The following KIF14 variants were observed in gnomAD, a reference collection of about 807,000 sequenced individuals.
KIF14 encodes the protein kinesin-like protein KIF14.
In KIF14, 98 loss-of-function variants were observed where a neutral mutation model predicts 176.2. The ratio of observed to expected loss-of-function variants is 0.56; its 90% confidence interval spans 0.47 to 0.66. KIF14 has a LOEUF of 0.66. Among genes scored for constraint, KIF14 ranks in the 30% least tolerant of loss-of-function variants. The pLI is 0.00. For synonymous variants in KIF14, 566 were observed against 632.2 expected (o/e 0.90, Z 1.57); for missense variants, 1,751 against 1,920.4 (o/e 0.91, Z 1.65).
rs1457853842 is a variant in KIF14 at position 200,565,673 on chromosome 1, C to T, written c.3662-4G>A. On this transcript the variant is annotated splice_polypyrimidine_tract_variant and splice_region_variant and intron_variant, in intron 23 of 29. Coordinates refer to ENST00000367350, the MANE Select transcript of KIF14 (RefSeq NM_014875.3). ...GTGCTTGATTTGTCCATTAAACCTA[C>T]ATCAACAGAAAATAGCCATTTTAAG... 2 of 1,556,702 alleles carry T rather than the reference C, an allele frequency of 1.3e-6. No individual in the cohort carries two copies. Among genetic ancestry groups the T allele is most frequent in the Admixed American group, 2.1e-5 (1 of 46,668 alleles).
In KIF14 at chr1:200,589,235, T is replaced by C. The variant is rs6665951; in HGVS notation, c.3096A>G (p.Glu1032=). ...IYVNKKRLEM[E]TLATKQALED... ...AAATTACCTGTTTTGTAGCCAATGTTTCCATTTCTAATCGCTTTTTGTTGA... is the reference window on the plus strand; with the variant it reads ...AAATTACCTGTTTTGTAGCCAATGTCTCCATTTCTAATCGCTTTTTGTTGA... Residue 1032 remains glutamate, a synonymous_variant, in exon 18 of 30, where the codon GAA becomes GAG. Transcript: ENST00000367350. 1,226,154 of 1,602,798 alleles carry C rather than the reference T, an allele frequency of 0.77. 471,269 individuals are homozygous for C. Among genetic ancestry groups the C allele is most frequent in the African/African-American group, 0.89 (66,352 of 74,586 alleles).
At chr1:200,615,862 T>C (rs1660382864) in intron 2 of KIF14, among the ~76,000 whole-genome samples, 1 of 152,010 alleles carries the variant, frequency 6.6e-6, no homozygotes, top group African/African-American at 2.4e-5. Context: ...TTTACAAGAT[T>C]TTTTCCTCTT....
At chr1:200,577,681 C>T (rs904505272) in intron 21 of KIF14, among the ~76,000 whole-genome samples, 10 of 148,614 alleles carry the variant, frequency 6.7e-5, no homozygotes, top group African/African-American at 2.5e-4. Flanking sequence ...AGCCTGGCAA[C>T]GGAGTGAGAC....
At chr1:200,566,826 A>G (rs1480591948) in intron 23 of KIF14, among the ~76,000 whole-genome samples, 2 of 152,120 alleles carry the variant, frequency 1.3e-5, no homozygotes, top group Non-Finnish European at 2.9e-5. Context: ...ACATAAAATT[A>G]GAAGTATAAT....
In KIF14 at chr1:200,615,354, C is replaced by A; in HGVS notation, c.1367+1G>T. Reference sequence around the variant, plus strand: ...ATAATTGCATTTCCAATACAACTTACGTATATGATTTTCCAGAGCCAGTCT... The same window carrying A: ...ATAATTGCATTTCCAATACAACTTAAGTATATGATTTTCCAGAGCCAGTCT... On this transcript the variant is annotated splice_donor_variant, in intron 3 of 29. Coordinates refer to ENST00000367350, the MANE Select transcript of KIF14 (RefSeq NM_014875.3). LOFTEE classifies it high-confidence loss of function. 1 of 1,608,224 alleles carries A rather than the reference C, an allele frequency of 6.2e-7. No individual in the cohort carries two copies. The highest frequency in any genetic ancestry group is 8.5e-7 in the Non-Finnish European group (1 of 1,177,310).
At chr1:200,587,036 G>A (rs1217167310) in intron 18 of KIF14, among the ~76,000 whole-genome samples, 6 of 152,000 alleles carry the variant, frequency 3.9e-5, no homozygotes, top group South Asian at 4.1e-4. Context: ...GACTGGTTTC[G>A]TGGAAGACAA....
At position 200,605,395 on chromosome 1, in the gene KIF14, T is replaced by C. The variant is rs368417849; in HGVS notation, c.1639-5A>G. ...ATTTCCCAATTCTAGCCAACTCTTA[T>C]AAGAAAAAAGGAAGGAAGATCAGAT... On this transcript the variant is annotated splice_region_variant and splice_polypyrimidine_tract_variant and intron_variant, in intron 7 of 29. Coordinates refer to ENST00000367350, the MANE Select transcript of KIF14 (RefSeq NM_014875.3). 22 of 1,600,684 alleles carry C rather than the reference T, an allele frequency of 1.4e-5. No homozygotes were observed. The African/African-American group carries it at 2.4e-4, about 18-fold the overall frequency.
In KIF14 at chr1:200,617,871, G is replaced by C; in HGVS notation, c.853C>G (p.His285Asp). 6.2e-7 allele frequency: 1 copy of C among 1,614,152 alleles called. No homozygotes were observed. The highest frequency in any genetic ancestry group is 8.5e-7 in the Non-Finnish European group (1 of 1,180,016). The change falls in exon 2 of 30, where the codon CAC becomes GAC. Residue 285 changes from histidine (H) to aspartate (D), a missense_variant. By Grantham distance (81) the His-to-Asp change is moderately conservative. Coordinates refer to ENST00000367350, the MANE Select transcript of KIF14 (RefSeq NM_014875.3). ...KRTPTKCTTE[H>D]KLTTKCSLPQ... ...AGGCTGCACTTTGTTGTCAGTTTGT[G>C]TTCTGTTGTACATTTTGTAGGTGTT...
At chr1:200,588,339 C>T (rs558307779) in intron 18 of KIF14, among the ~76,000 whole-genome samples, 246 of 151,440 alleles carry the variant, frequency 1.6e-3, no homozygotes, top group African/African-American at 5.7e-3. Context: ...CTCTCGGGTT[C>T]AAGAGATTCT....
intron 12 of KIF14, 81 bp downstream of exon 12, chr1:200,600,275 T>A: frequency 7.0e-7 from 1 of 1,424,316 alleles, no homozygotes; most frequent in Non-Finnish European, 9.9e-7. Flanking sequence ...GGAAAAATAC[T>A]CAGTATCCTC....
At chr1:200,617,531 C>T in intron 2 of KIF14, 81 bp downstream of exon 2, 4 of 1,378,360 alleles carry the variant, frequency 2.9e-6, no homozygotes, top group Non-Finnish European at 3.0e-6. Flanking sequence ...CACGAATACA[C>T]TGACCTTCCA....
At chr1:200,555,551 T>C (rs971463398) in intron 27 of KIF14, 97 bp from the exon 28 acceptor site, 5 of 575,386 alleles carry the variant, frequency 8.7e-6, no homozygotes, top group Non-Finnish European at 1.1e-5. Context: ...AATTCTAGTC[T>C]AGAAGCCCAA....
chr1:200,587,302 G>A (rs879643541), intron 18 of KIF14, among the ~76,000 whole-genome samples: 4 of 148,016 alleles, frequency 2.7e-5, no homozygotes, highest in South Asian at 2.1e-4. Context: ...ATTCATCCAC[G>A]AAACCAAAAG....
At chr1:200,574,040 T>G (rs1428471683) in intron 22 of KIF14, among the ~76,000 whole-genome samples, 2 of 152,188 alleles carry the variant, frequency 1.3e-5, no homozygotes, top group Non-Finnish European at 2.9e-5. Context: ...GACAAGTCAC[T>G]TAACCTCTCT....
At chr1:200,599,915 G>A (rs937371164) in intron 13 of KIF14, 135 bp downstream of exon 13, 18 of 561,110 alleles carry the variant, frequency 3.2e-5, no homozygotes, top group South Asian at 1.1e-4. Context: ...TTTTCCTTAC[G>A]GTATTGCTTT....
At chr1:200,595,212 G>A (rs775150737) in intron 14 of KIF14, among the ~76,000 whole-genome samples, 13 of 152,120 alleles carry the variant, frequency 8.5e-5, no homozygotes, top group Non-Finnish European at 1.9e-4. Context: ...TGTTCTTTAG[G>A]GTTTAAGTTA....
At chr1:200,573,432 T>TTC (rs1282152331) in intron 22 of KIF14, among the ~76,000 whole-genome samples, 2 of 36,894 alleles carry the variant, frequency 5.4e-5, no homozygotes, top group African/African-American at 1.5e-4. Context: ...CATTTCTTTT[T>TTC]TTTTTTTTTT....
chr1:200,554,607 C>A lies in KIF14; in HGVS notation c.4429-1G>T. ...CTTGTACTTGCCTTCTGAAACTTTT[C>A]TGTATAAATAAAGTTAATATTTAAA... On this transcript the variant is annotated splice_acceptor_variant, in intron 28 of 29. Transcript: ENST00000367350. LOFTEE classifies it high-confidence loss of function. 1 of 1,426,836 alleles carries A rather than the reference C, an allele frequency of 7.0e-7. No homozygotes were observed. The allele number at this position is 1,426,836 out of a possible 1,614,324, so 88.4% of individuals were successfully genotyped here. A position where few individuals can be genotyped will look rare whatever the true frequency, so the allele number is the denominator to read the frequency against.
At chr1:200,570,379 T>A (rs572933976) in intron 22 of KIF14, among the ~76,000 whole-genome samples, 1 of 152,270 alleles carries the variant, frequency 6.6e-6, no homozygotes, top group Non-Finnish European at 1.5e-5. Context: ...TTGTGGTAGA[T>A]TGTATAAAAG....
Sources: allele counts gnomAD v4.1 joint callset (sites outside exome capture counted in the v4.1 genomes callset), GRCh38; gene constraint gnomAD v4.1.1; transcripts MANE v1.5; gene names NCBI Gene and HGNC (gene_info 2026-07-23, HGNC 2026-07-21).